Variants in PDCD1LG2 observed in about 807,000 individuals in gnomAD.
The protein encoded by PDCD1LG2 is programmed cell death 1 ligand 2, also known as B7 dendritic cell molecule.
Under a neutral mutation model 28.2 loss-of-function variants are expected in PDCD1LG2, and 32 were observed. The observed-to-expected ratio is 1.13, with a 90% CI of 0.86 to 1.52. The LOEUF is 1.52. Ranked by LOEUF, PDCD1LG2 falls within the 40% of genes most tolerant of loss-of-function variation. The probability of loss-of-function intolerance (pLI) is 0.00; values close to 1 mark genes in which losing one functional copy is unlikely to be tolerated. For synonymous variants in PDCD1LG2, 116 were observed against 120.2 expected (o/e 0.97, Z 0.23); for missense variants, 385 against 323.8 (o/e 1.19, Z -1.45).
chr9:5,550,786 C>T (rs547387486), intron 4 of PDCD1LG2, among the ~76,000 whole-genome samples: 23 of 152,174 alleles, frequency 1.5e-4, no homozygotes, highest in African/African-American at 5.1e-4. Context: ...CCCTGCCTCC[C>T]GGGTTCAAGC....
intron 2 of PDCD1LG2, among the ~76,000 whole-genome samples, chr9:5,528,361 G>C (rs1820419042): frequency 6.6e-6 from 1 of 150,944 alleles, no homozygotes; most frequent in South Asian, 2.1e-4. Flanking sequence ...GAATACAGTG[G>C]TATAATCATA....
chr9:5,546,796 T>A (rs984946956), intron 3 of PDCD1LG2, among the ~76,000 whole-genome samples: 1 of 152,230 alleles, frequency 6.6e-6, no homozygotes, highest in African/African-American at 2.4e-5. Flanking sequence ...ATATGTATTA[T>A]GTATATTTAT....
At chr9:5,541,980 T>C (rs575219213) in intron 3 of PDCD1LG2, among the ~76,000 whole-genome samples, 1 of 152,120 alleles carries the variant, frequency 6.6e-6, no homozygotes, top group South Asian at 2.1e-4. Flanking sequence ...AGTATAAAAA[T>C]AGGCACATAG....
chr9:5,568,454 G>A (rs1011567325), intron 6 of PDCD1LG2, among the ~76,000 whole-genome samples: 1 of 152,106 alleles, frequency 6.6e-6, no homozygotes. Flanking sequence ...AATGTCTGAC[G>A]ATCTGAGGTG....
intron 5 of PDCD1LG2, among the ~76,000 whole-genome samples, chr9:5,560,918 C>T (rs1197269111): frequency 1.3e-5 from 2 of 152,106 alleles, no homozygotes; most frequent in Non-Finnish European, 2.9e-5. Flanking sequence ...TCGAGGGTGA[C>T]CTGCTGGGCT....
chr9:5,525,856 G>A (rs1190173041), intron 2 of PDCD1LG2, among the ~76,000 whole-genome samples: 1 of 152,100 alleles, frequency 6.6e-6, no homozygotes, highest in Non-Finnish European at 1.5e-5. Context: ...AGACCAGCCT[G>A]GCCCGCATGG....
chr9:5,528,263 T>TTA (rs968132398), intron 2 of PDCD1LG2, among the ~76,000 whole-genome samples: 15 of 147,680 alleles, frequency 1.0e-4, no homozygotes, highest in South Asian at 2.1e-4. Context: ...ATTTTATATA[T>TTA]TATATATATA....
At position 5,510,610 on chromosome 9, in the gene PDCD1LG2, G is replaced by T. The variant is rs1240362218; in HGVS notation, c.-208G>T. 6.6e-6 allele frequency: 1 copy of T among 152,612 alleles called. No homozygotes were observed. Among genetic ancestry groups the T allele is most frequent in the Non-Finnish European group, 1.5e-5 (1 of 68,052 alleles). 9.5% of individuals were successfully genotyped at this position (152,612 alleles called of 1,614,324 possible). On this transcript the variant is annotated 5_prime_UTR_variant, in exon 1 of 7. Coordinates refer to ENST00000397747, the MANE Select transcript of PDCD1LG2 (RefSeq NM_025239.4). ...TATATCTTAACGCCAAATTTTGAGT[G>T]CTTTTTTGTTACCCATCCTCATATG...
chr9:5,523,562 C>T lies in PDCD1LG2; in HGVS notation c.55+961C>T, dbSNP rs1820317324. On this transcript the variant is annotated intron_variant, in intron 2 of 6. Coordinates refer to ENST00000397747, the MANE Select transcript of PDCD1LG2 (RefSeq NM_025239.4). ...CTAGAGACATGCACTTGGGGCCCTC[C>T]TCAAAGGAAGACCCTGAGATATTCT... is the stretch of plus-strand genomic sequence containing the variant. Among the ~76,000 whole-genome samples the T allele has an allele frequency of 2.0e-5, 3 of 152,210 alleles. No homozygotes were observed. The South Asian group carries it at 6.2e-4, about 32-fold the overall frequency.
At chr9:5,528,885 A>G (rs1820429611) in intron 2 of PDCD1LG2, among the ~76,000 whole-genome samples, 1 of 152,084 alleles carries the variant, frequency 6.6e-6, no homozygotes, top group Non-Finnish European at 1.5e-5. Context: ...ATGTACCACC[A>G]TGCTTGGCTT....
chr9:5,536,727 T>A (rs1259851401), intron 3 of PDCD1LG2, among the ~76,000 whole-genome samples: 1 of 152,222 alleles, frequency 6.6e-6, no homozygotes, highest in Admixed American at 6.5e-5. Flanking sequence ...GAGAGATTTG[T>A]TCCTTATAGT....
chr9:5,536,677 C>T (rs1054154891), intron 3 of PDCD1LG2, among the ~76,000 whole-genome samples: 2 of 152,216 alleles, frequency 1.3e-5, no homozygotes, highest in African/African-American at 4.8e-5. Context: ...GGGAGGCACC[C>T]TGCCTACTCC....
intron 4 of PDCD1LG2, among the ~76,000 whole-genome samples, chr9:5,552,917 G>C (rs1586815429): frequency 6.6e-6 from 1 of 152,150 alleles, no homozygotes; most frequent in Admixed American, 6.5e-5. Flanking sequence ...GAAGGAAAGA[G>C]AGGAGTCATG....
chr9:5,549,611 G>A lies in PDCD1LG2; in HGVS notation c.631+7G>A, dbSNP rs1159290298. 18 of 1,613,998 alleles carry A rather than the reference G, an allele frequency of 1.1e-5. No homozygotes were observed. The Admixed American group carries it at 2.8e-4, about 25-fold the overall frequency. On this transcript the variant is annotated splice_region_variant and intron_variant, in intron 4 of 6. Transcript: ENST00000397747. ...GCCAGCATTGACCTTCAAAGTAAGAGCTGCCCCCACTTCCTAGGTCTATCA... is the reference window on the plus strand; with the variant it reads ...GCCAGCATTGACCTTCAAAGTAAGAACTGCCCCCACTTCCTAGGTCTATCA...
chr9:5,556,078 T>G (rs1816435032), intron 4 of PDCD1LG2, among the ~76,000 whole-genome samples: 1 of 152,200 alleles, frequency 6.6e-6, no homozygotes, highest in Admixed American at 6.5e-5. Flanking sequence ...CAGAGGTAGT[T>G]TAGATAAGGC....
intron 3 of PDCD1LG2, among the ~76,000 whole-genome samples, chr9:5,541,035 C>T (rs1820677765): frequency 6.6e-6 from 1 of 152,120 alleles, no homozygotes; most frequent in South Asian, 2.1e-4. Context: ...GGGTTTTACA[C>T]CAGGGATGCA....
In PDCD1LG2 at chr9:5,559,962, C is replaced by G. The variant is rs145860882; in HGVS notation, c.766+2210C>G. Among the ~76,000 whole-genome samples, 1,294 of 152,288 alleles carry G rather than the reference C, an allele frequency of 8.5e-3. 18 individuals carry two copies. The highest frequency in any genetic ancestry group is 0.03 in the African/African-American group (1,239 of 41,568). The stretch of plus-strand genomic sequence containing the variant: ...CGAGTTTTCTCATACAATATTGTCT[C>G]TTCTTAAAATATTTTTTCTTGTTGT... On this transcript the variant is annotated intron_variant, in intron 5 of 6. Transcript: ENST00000397747.
chr9:5,547,335 T>A (rs1421032259), intron 3 of PDCD1LG2, among the ~76,000 whole-genome samples: 2 of 152,208 alleles, frequency 1.3e-5, no homozygotes, highest in African/African-American at 2.4e-5. Context: ...AAAAGAATAT[T>A]TCCTACCGAA....
In PDCD1LG2 at chr9:5,535,053, G is replaced by T. The variant is rs767409370; in HGVS notation, c.361+3G>T. ...GTACCTGACTCTGAAAGTCAAAGGTGAGTGGTGTCAAGGACTAGAATCCAT... is the reference window on the plus strand; with the variant it reads ...GTACCTGACTCTGAAAGTCAAAGGTTAGTGGTGTCAAGGACTAGAATCCAT... On this transcript the variant is annotated splice_donor_region_variant and intron_variant, in intron 3 of 6. Transcript: ENST00000397747. The T allele has an allele frequency of 6.3e-7, 1 of 1,599,120 alleles. No individual in the cohort carries two copies. The highest frequency in any genetic ancestry group is 1.3e-5 in the African/African-American group (1 of 74,648).
Sources: gnomAD v4.1 joint callset for allele counts (sites outside exome capture counted in the v4.1 genomes callset) on GRCh38, gnomAD v4.1.1 for gene constraint, MANE v1.5 for transcripts, NCBI Gene and HGNC (gene_info 2026-07-23, HGNC 2026-07-21) for gene names.